NSUN3: variants seen among roughly 807,000 people sequenced by gnomAD.
The protein encoded by NSUN3 is tRNA (cytosine(34)-C(5))-methyltransferase, mitochondrial.
In NSUN3, 24 loss-of-function variants were observed where a neutral mutation model predicts 36.8. That is an observed-to-expected ratio of 0.65 (90% CI 0.47 to 0.92). The LOEUF (loss-of-function observed/expected upper bound fraction) is 0.92, where lower values mean the gene tolerates loss of function less well. Ranked by LOEUF, NSUN3 falls within the 40% of genes least tolerant of loss-of-function variation. NSUN3 has a pLI of 0.00. For missense variants in NSUN3, 381 were observed against 392.8 expected, an observed-to-expected ratio of 0.97 and a Z score of 0.25; for synonymous variants, 146 against 145.2, an observed-to-expected ratio of 1.01 and a Z score of -0.04.
In NSUN3 at chr3:94,084,261, C is replaced by G. The variant is rs2077283121; in HGVS notation, c.277C>G (p.Leu93Val). The change falls in exon 3 of 6, where the codon CTT (leucine) becomes GTT (valine). Residue 93 changes from leucine to valine, a missense_variant. Leu to Val is a conservative substitution (Grantham distance 32). Coordinates refer to ENST00000314622, the MANE Select transcript of NSUN3 (RefSeq NM_022072.5). The stretch of plus-strand genomic sequence containing the variant: ...CTATCCTAAATCAGTGAAGTGTTAC[C>G]TTAGCAGAACTCCGGGCCGAATCCC... ...PNYPKSVKCY[L>V]SRTPGRIPSE... The G allele has an allele frequency of 6.2e-7, 1 of 1,613,984 alleles. No individual in the cohort carries two copies.
rs1422371653 is a variant in NSUN3 at position 94,087,463 on chromosome 3, A to C, written c.466+3013A>C. On this transcript the variant is annotated intron_variant, in intron 3 of 5. Coordinates refer to ENST00000314622, the MANE Select transcript of NSUN3 (RefSeq NM_022072.5). ...GTTGGTTCAGCTGCTCTCACCTGTT[A>C]CCACATTGATGGACTCACCATGGTT... Among the ~76,000 whole-genome samples the C allele has an allele frequency of 2.6e-5, 4 of 152,310 alleles. No homozygotes were observed. In the East Asian group the frequency reaches 7.7e-4, roughly 29 times the overall value.
Position 94,078,957 on chromosome 3 carries a change from T to G in NSUN3, c.123-5150T>G, listed in dbSNP as rs185439253. Among the ~76,000 whole-genome samples, 196 of 152,340 alleles carry G rather than the reference T, an allele frequency of 1.3e-3. 1 individual carries two copies. Among genetic ancestry groups the G allele is most frequent in the Non-Finnish European group, 2.1e-3 (141 of 68,038 alleles). On this transcript the variant is annotated intron_variant, in intron 2 of 5. Coordinates refer to ENST00000314622, the MANE Select transcript of NSUN3 (RefSeq NM_022072.5). ...AAGGTAATATCGTTATGTGTGAATTTGATCCTGTCACTATGATGCTAGCTG... is the reference window on the plus strand; with the variant it reads ...AAGGTAATATCGTTATGTGTGAATTGGATCCTGTCACTATGATGCTAGCTG...
At chr3:94,064,752 T>C (rs920388647) in intron 2 of NSUN3, among the ~76,000 whole-genome samples, 2 of 152,198 alleles carry the variant, frequency 1.3e-5, no homozygotes, top group African/African-American at 4.8e-5. Context: ...TTTGTCGGGA[T>C]GGTAAGCACA....
In NSUN3 at chr3:94,126,223, G is replaced by A. The variant is rs767802660; in HGVS notation, c.756G>A (p.Lys252=). The A allele has an allele frequency of 5.0e-6, 8 of 1,611,488 alleles. No individual in the cohort carries two copies. In the Admixed American group the frequency reaches 1.3e-4, roughly 27 times the overall value. The change falls in exon 6 of 6, where the codon AAG becomes AAA. Residue 252 remains lysine (K), a synonymous_variant. Coordinates refer to ENST00000314622, the MANE Select transcript of NSUN3 (RefSeq NM_022072.5). ...LQIELLRSAI[K]ALRPGGILVY... is the part of the protein sequence containing the mutation. ...TGATTGCACACAGGTCTGCAATTAA[G>A]GCCTTACGTCCTGGAGGGATACTTG... is the stretch of plus-strand genomic sequence containing the variant.
Position 94,084,096 on chromosome 3 carries a change from T to G in NSUN3, c.123-11T>G. ...TTAATATTCTCTTATTTTCTCTTTT[T>G]CTATTTCTAGGGAGATACTAACATC... On this transcript the variant is annotated splice_polypyrimidine_tract_variant and intron_variant, in intron 2 of 5. Transcript: ENST00000314622. 1 of 1,587,244 alleles carries G rather than the reference T, an allele frequency of 6.3e-7. No homozygotes were observed. Among genetic ancestry groups the G allele is most frequent in the Non-Finnish European group, 8.6e-7 (1 of 1,159,320 alleles).
chr3:94,114,427 CTCTG>C (rs1053971196), intron 5 of NSUN3, among the ~76,000 whole-genome samples: 8 of 152,088 alleles, frequency 5.3e-5, no homozygotes, highest in Admixed American at 2.6e-4. Context: ...TTTATTAAGA[CTCTG>C]TCTGTGAAGT....
chr3:94,123,954 T>C (rs1460174147), intron 5 of NSUN3, among the ~76,000 whole-genome samples: 1 of 151,948 alleles, frequency 6.6e-6, no homozygotes, highest in East Asian at 1.9e-4. Context: ...GCATACTAAA[T>C]AAAAAAATGT....
chr3:94,087,681 G>A (rs1414143780), intron 3 of NSUN3, among the ~76,000 whole-genome samples: 2 of 152,044 alleles, frequency 1.3e-5, no homozygotes, highest in Non-Finnish European at 2.9e-5. Context: ...TAACTTTTTT[G>A]GTTTTTTGAG....
At chr3:94,123,869 T>C (rs552374659) in intron 5 of NSUN3, among the ~76,000 whole-genome samples, 1 of 152,250 alleles carries the variant, frequency 6.6e-6, no homozygotes, top group East Asian at 1.9e-4. Context: ...TTTAAAATTA[T>C]AATCCCTCTC....
chr3:94,093,064 T>G (rs2077322665), intron 3 of NSUN3, among the ~76,000 whole-genome samples: 1 of 151,750 alleles, frequency 6.6e-6, no homozygotes, highest in Admixed American at 6.6e-5. Context: ...TCCATCAAGT[T>G]TGGTAGAGCA....
intron 4 of NSUN3, 41 bp downstream of exon 4, chr3:94,094,335 A>G (rs1316489653): frequency 5.8e-6 from 9 of 1,561,866 alleles, no homozygotes; most frequent in Non-Finnish European, 7.9e-6. Flanking sequence ...GACGCCCAGT[A>G]ATACCACTAT....
rs10576077 is a variant in NSUN3 at position 94,128,554 on chromosome 3, CGTGTGTGTGTGTGT to C, written c.*2081_*2094del. 4.3e-5 allele frequency: 6 copies of C among 138,310 alleles called. No homozygotes were observed. The highest frequency in any genetic ancestry group is 9.3e-5 in the Non-Finnish European group (6 of 64,570). 8.6% of individuals were successfully genotyped at this position (138,310 alleles called of 1,614,324 possible). ...CTATGATTACTGAAAAATGGATGCA[CGTGTGTGTGTGTGT>C]GTGTGTGTGTGTGTGTATATATATA... On this transcript the variant is annotated 3_prime_UTR_variant, in exon 6 of 6. Coordinates refer to ENST00000314622, the MANE Select transcript of NSUN3 (RefSeq NM_022072.5).
rs189840120 is a variant in NSUN3, at chr3:94,095,895, C to T, written c.743+741C>T. 2.3e-3 allele frequency among the ~76,000 whole-genome samples: 350 copies of T among 150,096 alleles called. 1 individual carries two copies. The highest frequency in any genetic ancestry group is 8.1e-3 in the African/African-American group (330 of 40,650). Reference sequence around the variant, plus strand: ...CTGAGTAGTTAGGATTACAGGTGTGCGCCACCAAGCCTAGCTAATTTTTTT... The same window carrying T: ...CTGAGTAGTTAGGATTACAGGTGTGTGCCACCAAGCCTAGCTAATTTTTTT... On this transcript the variant is annotated intron_variant, in intron 5 of 5. Transcript: ENST00000314622.
intron 2 of NSUN3, among the ~76,000 whole-genome samples, chr3:94,077,938 C>G (rs2077253555): frequency 6.6e-6 from 1 of 152,126 alleles, no homozygotes; most frequent in African/African-American, 2.4e-5. Flanking sequence ...TCTCTATCAC[C>G]TTCAGTTCTG....
chr3:94,063,800 T>C (rs2077191918), intron 1 of NSUN3: 1 of 151,904 alleles, frequency 6.6e-6, no homozygotes, highest in African/African-American at 2.4e-5. Context: ...TTTTTTTTTT[T>C]ACTTTTTGTA....
At chr3:94,119,608 G>A (rs1229714932) in intron 5 of NSUN3, among the ~76,000 whole-genome samples, 2 of 152,220 alleles carry the variant, frequency 1.3e-5, no homozygotes, top group African/African-American at 4.8e-5. Context: ...TAGGCCCAGG[G>A]ATTGGGGTCC....
Position 94,128,970 on chromosome 3 carries a change from A to G in NSUN3, c.*2480A>G, listed in dbSNP as rs989234288. On this transcript the variant is annotated 3_prime_UTR_variant, in exon 6 of 6. Transcript: ENST00000314622. ...ATATTTTACACCAGTCAGAATGGCTATTATTAAAAAGTCAATAAAATAAAA... is the reference window on the plus strand; with the variant it reads ...ATATTTTACACCAGTCAGAATGGCTGTTATTAAAAAGTCAATAAAATAAAA... 6.6e-6 allele frequency among the ~76,000 whole-genome samples: 1 copy of G among 152,222 alleles called. No individual in the cohort carries two copies. The highest frequency in any genetic ancestry group is 1.5e-5 in the Non-Finnish European group (1 of 68,038).
intron 3 of NSUN3, among the ~76,000 whole-genome samples, chr3:94,092,325 GTATC>G (rs2077318642): frequency 6.6e-6 from 1 of 152,158 alleles, no homozygotes. Flanking sequence ...AAATCCTCCT[GTATC>G]TATCATGCTA....
intron 5 of NSUN3, among the ~76,000 whole-genome samples, chr3:94,109,456 G>A (rs1025102345): frequency 6.6e-6 from 1 of 152,196 alleles, no homozygotes; most frequent in African/African-American, 2.4e-5. Context: ...ATTTAATTAA[G>A]GGAGCTGTTT....
Sources: allele counts gnomAD v4.1 joint callset (sites outside exome capture counted in the v4.1 genomes callset), GRCh38; gene constraint gnomAD v4.1.1; transcripts MANE v1.5; gene names NCBI Gene and HGNC (gene_info 2026-07-23, HGNC 2026-07-21).